The following SEC13 variants were observed in gnomAD, a reference collection of about 807,000 sequenced individuals.
SEC13 encodes the protein protein SEC13 homolog.
In SEC13, 25 loss-of-function variants were observed where a neutral mutation model predicts 49.2. The ratio of observed to expected loss-of-function variants is 0.51; its 90% CI spans 0.37 to 0.71. The LOEUF is 0.71. Ranked by LOEUF, SEC13 falls within the 30% of genes least tolerant of loss-of-function variation. The pLI is 0.00. For synonymous variants in SEC13, 148 were observed against 163.9 expected (o/e 0.90, Z 0.74); for missense variants, 383 against 417.6 (o/e 0.92, Z 0.72).
At chr3:10,320,403 G>T in intron 1 of SEC13, 2 of 367,586 alleles carry the variant, frequency 5.4e-6, no homozygotes, top group Non-Finnish European at 7.5e-6. Context: ...AGTAAGTGTG[G>T]AGTGAATGTA....
At chr3:10,312,872 C>T (rs1189342734) in intron 3 of SEC13, 142 bp from the exon 4 acceptor site, 1 of 769,956 alleles carries the variant, frequency 1.3e-6, no homozygotes, top group East Asian at 2.7e-5. Flanking sequence ...AATGCCATTG[C>T]AAAAGGGGTG....
At chr3:10,312,318 G>A (rs950532783) in intron 4 of SEC13, among the ~76,000 whole-genome samples, 9 of 152,190 alleles carry the variant, frequency 5.9e-5, no homozygotes, top group African/African-American at 2.2e-4. Context: ...AAGTGGGTAG[G>A]AAAACAATCT....
chr3:10,313,753 G>T (rs959369126), intron 3 of SEC13: 1 of 181,206 alleles, frequency 5.5e-6, no homozygotes, highest in Non-Finnish European at 1.2e-5. Context: ...TCCTTTGAAT[G>T]TAAGAAAAAC....
At chr3:10,305,236 TG>T in intron 6 of SEC13, 80 bp from the exon 7 acceptor site, 1 of 1,512,228 alleles carries the variant, frequency 6.6e-7, no homozygotes, top group Non-Finnish European at 8.8e-7. Context: ...AGGCTCTGCC[TG>T]GGGTGGAGAA....
chr3:10,309,198 A>C (rs4684680), intron 5 of SEC13, among the ~76,000 whole-genome samples: 38,887 of 151,772 alleles, frequency 0.26, 5,820 homozygotes, highest in East Asian at 0.52. Context: ...TCAGCATCCC[A>C]AAGTGCTGGG....
At chr3:10,308,120 G>A (rs564879946) in intron 5 of SEC13, among the ~76,000 whole-genome samples, 1 of 152,290 alleles carries the variant, frequency 6.6e-6, no homozygotes, top group East Asian at 1.9e-4. Context: ...TCAAGTGCAT[G>A]ATTTGGTGAA....
chr3:10,304,110 C>T lies in SEC13; in HGVS notation c.771G>A (p.Leu257=), dbSNP rs114726689. The T allele has an allele frequency of 1.1e-5, 18 of 1,614,134 alleles. No homozygotes were observed. The highest frequency in any genetic ancestry group is 1.4e-5 in the Non-Finnish European group (17 of 1,180,028). Residue 257 remains leucine, a synonymous_variant, in exon 8 of 9, where the codon TTG becomes TTA. Transcript: ENST00000350697. ...DASSNTWSPK[L]LHKFNDVVWH... Reference sequence around the variant, plus strand: ...ACACCACATCGTTGAACTTGTGCAACAATTTAGGGGACCACGTATTGCTTG... The same window carrying T: ...ACACCACATCGTTGAACTTGTGCAATAATTTAGGGGACCACGTATTGCTTG...
At position 10,301,252 on chromosome 3, in the gene SEC13, C is replaced by CCTGT. The variant is rs752797422; in HGVS notation, c.*5_*8dup. The CCTGT allele has an allele frequency of 6.2e-6, 10 of 1,614,162 alleles. No homozygotes were observed. Among genetic ancestry groups the CCTGT allele is most frequent in the East Asian group, 2.2e-5 (1 of 44,872 alleles). On this transcript the variant is annotated 3_prime_UTR_variant, in exon 9 of 9. Coordinates refer to ENST00000350697, the MANE Select transcript of SEC13 (RefSeq NM_183352.3). ...CTGGCGGGTGGGGAGCCAGGCCCCA[C>CCTGT]CTGTCTTGTCACTGCTCGTTCTGCT...
rs1241532661 is a variant in SEC13 at position 10,301,149 on chromosome 3, T to A, written c.*112A>T. On this transcript the variant is annotated 3_prime_UTR_variant, in exon 9 of 9. Transcript: ENST00000350697. Reference sequence around the variant, plus strand: ...CTGTGGCTGCATCTGTAACTCCTCCTGGGAAAATAATCCTGTTGGAGTTGG... The same window carrying A: ...CTGTGGCTGCATCTGTAACTCCTCCAGGGAAAATAATCCTGTTGGAGTTGG... 4 of 1,613,856 alleles carry A rather than the reference T, an allele frequency of 2.5e-6. No homozygotes were observed. The African/African-American group carries it at 5.3e-5, about 22-fold the overall frequency.
At chr3:10,302,982 G>C (rs1255054407) in intron 8 of SEC13, among the ~76,000 whole-genome samples, 1 of 152,228 alleles carries the variant, frequency 6.6e-6, no homozygotes, top group East Asian at 1.9e-4. Flanking sequence ...CGCTAGAGCA[G>C]TCACATTCAC....
rs986487986 is a variant in SEC13, at chr3:10,321,108, G to T, written c.-56C>A. 6.2e-7 allele frequency: 1 copy of T among 1,611,066 alleles called. No homozygotes were observed. Among genetic ancestry groups the T allele is most frequent in the Non-Finnish European group, 8.5e-7 (1 of 1,179,170 alleles). Reference sequence around the variant, plus strand: ...ACGTGGCAGCTCCCGGCGGCGCCTCGGAACAGCTCACTTCCGGCGCCGGGC... The same window carrying T: ...ACGTGGCAGCTCCCGGCGGCGCCTCTGAACAGCTCACTTCCGGCGCCGGGC... On this transcript the variant is annotated 5_prime_UTR_variant, in exon 1 of 9. Transcript: ENST00000350697. This position sits in a 1 kb window ranked among gnomAD's most constrained non-coding sequence, Gnocchi z 4.1.
chr3:10,309,712 G>A (rs567122984), intron 5 of SEC13, among the ~76,000 whole-genome samples: 2 of 152,308 alleles, frequency 1.3e-5, no homozygotes, highest in South Asian at 2.1e-4. Flanking sequence ...CTCATTGTCC[G>A]CAGGGAGGTT....
intron 5 of SEC13, among the ~76,000 whole-genome samples, chr3:10,310,360 G>A (rs549978276): frequency 3.3e-5 from 5 of 152,210 alleles, no homozygotes; most frequent in South Asian, 2.1e-4. Flanking sequence ...GTGTTGTGGC[G>A]TGTGCCTGTA....
chr3:10,307,040 TTTA>T (rs1192786281), intron 5 of SEC13, among the ~76,000 whole-genome samples: 3 of 148,898 alleles, frequency 2.0e-5, no homozygotes, highest in Admixed American at 7.0e-5. Context: ...CTCCTCTTTA[TTTA>T]TTATTAACAA....
In SEC13 at chr3:10,321,076, G is replaced by A. The variant is rs374852874; in HGVS notation, c.-24C>T. ...ATGATTGCGGCGGTGGCTGCTCCAG[G>A]TCTCGGACGTGGCAGCTCCCGGCGG... On this transcript the variant is annotated 5_prime_UTR_variant, in exon 1 of 9. Coordinates refer to ENST00000350697, the MANE Select transcript of SEC13 (RefSeq NM_183352.3). This position sits in a 1 kb window ranked among gnomAD's most constrained non-coding sequence, Gnocchi z 4.1. 97 of 1,612,830 alleles carry A rather than the reference G, an allele frequency of 6.0e-5. No homozygotes were observed. The highest frequency in any genetic ancestry group is 7.8e-5 in the Non-Finnish European group (92 of 1,179,694).
chr3:10,318,127 C>A, intron 1 of SEC13, 33 bp from the exon 2 acceptor site: 2 of 1,488,266 alleles, frequency 1.3e-6, no homozygotes, highest in African/African-American at 2.8e-5. Flanking sequence ...TAAATTAACT[C>A]ATGGCAGTTA....
At chr3:10,316,631 T>C (rs972995366) in intron 2 of SEC13, among the ~76,000 whole-genome samples, 15 of 152,214 alleles carry the variant, frequency 9.9e-5, no homozygotes, top group Admixed American at 5.2e-4. Flanking sequence ...CTTTATTATT[T>C]ACCAACATCC....
chr3:10,304,207 T>A, intron 7 of SEC13, 35 bp from the exon 8 acceptor site: 3 of 1,609,372 alleles, frequency 1.9e-6, no homozygotes, highest in Non-Finnish European at 2.5e-6. Context: ...GGAGGTGGAG[T>A]CAAGACTCCT....
chr3:10,310,188 G>A (rs911817230), intron 5 of SEC13, among the ~76,000 whole-genome samples: 3 of 151,890 alleles, frequency 2.0e-5, no homozygotes, highest in Non-Finnish European at 4.4e-5. Flanking sequence ...TTAGCAAAAT[G>A]CAAATAAAAA....
Sources: allele counts gnomAD v4.1 joint callset (sites outside exome capture counted in the v4.1 genomes callset), GRCh38; gene constraint gnomAD v4.1.1; non-coding constraint Gnocchi (gnomAD v3.1); transcripts MANE v1.5; gene names NCBI Gene and HGNC (gene_info 2026-07-23, HGNC 2026-07-21).